Variants in TUT7 observed in about 807,000 individuals in gnomAD.
TUT7 encodes the protein terminal uridylyl transferase 7, also known as terminal uridylyltransferase 7.
In TUT7, 33 loss-of-function variants were observed where a neutral mutation model predicts 165.9. That is an observed-to-expected ratio of 0.20 (90% CI 0.15 to 0.27). TUT7 has a LOEUF of 0.27. Among genes scored for constraint, TUT7 ranks in the 10% least tolerant of loss-of-function variants. TUT7 has a pLI of 1.00. For missense variants in TUT7, 1,338 were observed against 1,762.3 expected (o/e 0.76, Z 4.31); for synonymous variants, 552 against 608.1 (o/e 0.91, Z 1.36).
At chr9:86,296,324 ACTCT>A (rs1826314532) in intron 26 of TUT7, among the ~76,000 whole-genome samples, 1 of 152,128 alleles carries the variant, frequency 6.6e-6, no homozygotes, top group South Asian at 2.1e-4. Flanking sequence ...CAAGTGTCTC[ACTCT>A]AAAACTCATG....
At chr9:86,292,819 G>A (rs1826000119) in intron 26 of TUT7, among the ~76,000 whole-genome samples, 1 of 151,992 alleles carries the variant, frequency 6.6e-6, no homozygotes. Flanking sequence ...TCTCTAGAAG[G>A]TAAGTTAGTT....
intron 26 of TUT7, 126 bp from the exon 27 acceptor site, chr9:86,288,870 G>A (rs967697261): frequency 3.2e-6 from 2 of 633,192 alleles, no homozygotes; most frequent in East Asian, 5.6e-5. Flanking sequence ...CACTTGTTTT[G>A]AATCAAGTAA....
At chr9:86,343,200 A>T (rs1831463631) in intron 5 of TUT7, 37 bp from the exon 6 acceptor site, 1 of 1,281,728 alleles carries the variant, frequency 7.8e-7, no homozygotes, top group South Asian at 1.6e-5. Context: ...TAATAAATAC[A>T]GTAGAATTTC....
chr9:86,337,697 C>T (rs933439896), intron 9 of TUT7, among the ~76,000 whole-genome samples, 159 bp from the exon 10 acceptor site: 48 of 152,306 alleles, frequency 3.2e-4, no homozygotes, highest in Non-Finnish European at 3.1e-4. Flanking sequence ...CTTCCTTATA[C>T]TTTTGCAGCA....
intron 10 of TUT7, among the ~76,000 whole-genome samples, chr9:86,333,806 G>A (rs1252915930): frequency 2.0e-5 from 3 of 149,862 alleles, no homozygotes; most frequent in Non-Finnish European, 4.5e-5. Context: ...ACGATGTACT[G>A]GGTAAACAGG....
Position 86,352,875 on chromosome 9 carries a change from T to C in TUT7, c.325A>G (p.Asn109Asp). 1 of 1,614,212 alleles carries C rather than the reference T, an allele frequency of 6.2e-7. No individual in the cohort carries two copies. Among genetic ancestry groups the C allele is most frequent in the Non-Finnish European group, 8.5e-7 (1 of 1,180,018 alleles). ...TTGAATTCTCTCCAGTTGTCTGAAT[T>C]ACCAGTATGTTCATCAGACAGCCAT... ...KRWLSDEHTG[N>D]SDNWREFKPG... The change falls in exon 2 of 27, where the codon AAT (asparagine) becomes GAT (aspartate). Residue 109 changes from asparagine to aspartate, a missense_variant. Coordinates refer to ENST00000375963, the MANE Select transcript of TUT7 (RefSeq NM_024617.4).
In TUT7 at chr9:86,287,777, C is replaced by T. The variant is rs1446012419; in HGVS notation, c.*900G>A. On this transcript the variant is annotated 3_prime_UTR_variant, in exon 27 of 27. Coordinates refer to ENST00000375963, the MANE Select transcript of TUT7 (RefSeq NM_024617.4). Reference sequence around the variant, plus strand: ...TTTTATTTCAAAATGATAAATAAACCGAGGCATAGTTCTGACCAGGTACTA... The same window carrying T: ...TTTTATTTCAAAATGATAAATAAACTGAGGCATAGTTCTGACCAGGTACTA... 6.6e-6 allele frequency: 1 copy of T among 151,274 alleles called. No homozygotes were observed. Among genetic ancestry groups the T allele is most frequent in the Admixed American group, 6.6e-5 (1 of 15,174 alleles). 9.4% of individuals were successfully genotyped at this position (151,274 alleles called of 1,614,324 possible). A position where few individuals can be genotyped will look rare whatever the true frequency, so the allele number is the denominator to read the frequency against.
chr9:86,289,448 T>C (rs1825749448), intron 26 of TUT7, among the ~76,000 whole-genome samples: 1 of 152,190 alleles, frequency 6.6e-6, no homozygotes, highest in Non-Finnish European at 1.5e-5. Context: ...TAAGTAATTT[T>C]GGAGGGGAAG....
At chr9:86,291,592 A>G (rs2131253217) in intron 26 of TUT7, among the ~76,000 whole-genome samples, 1 of 151,248 alleles carries the variant, frequency 6.6e-6, no homozygotes, top group Admixed American at 6.6e-5. Flanking sequence ...AAAAAAAAAA[A>G]GTAAAAGGGC....
intron 14 of TUT7, among the ~76,000 whole-genome samples, chr9:86,320,262 A>G (rs1203480926): frequency 1.3e-5 from 2 of 151,572 alleles, no homozygotes; most frequent in African/African-American, 4.8e-5. Context: ...TTTCCCAAAA[A>G]AAAAAAAAAA....
intron 21 of TUT7, 123 bp downstream of exon 21, chr9:86,309,089 T>A: frequency 1.6e-6 from 1 of 618,504 alleles, no homozygotes; most frequent in Non-Finnish European, 2.8e-6. Flanking sequence ...AAACACTATT[T>A]TTTTTACTAT....
At chr9:86,307,926 G>A (rs531575547) in intron 22 of TUT7, among the ~76,000 whole-genome samples, 3 of 152,182 alleles carry the variant, frequency 2.0e-5, no homozygotes, top group Non-Finnish European at 4.4e-5. Flanking sequence ...CCCAGGAGGC[G>A]GAGGTTGCAG....
intron 17 of TUT7, among the ~76,000 whole-genome samples, 194 bp downstream of exon 17, chr9:86,317,025 G>T (rs1828789224): frequency 6.6e-6 from 1 of 152,118 alleles, no homozygotes; most frequent in South Asian, 2.1e-4. Flanking sequence ...GATGCATATA[G>T]GTTATATGTA....
intron 2 of TUT7, among the ~76,000 whole-genome samples, chr9:86,349,922 T>C (rs1227225858): frequency 1.3e-5 from 2 of 152,224 alleles, no homozygotes; most frequent in African/African-American, 4.8e-5. Context: ...GCAACTTCTT[T>C]AGTTGCTTTT....
At position 86,304,788 on chromosome 9, in the gene TUT7, T is replaced by A; in HGVS notation, c.3978+68A>T. 3.2e-6 allele frequency: 3 copies of A among 949,974 alleles called. No individual in the cohort carries two copies. The South Asian group carries it at 4.6e-5, about 14-fold the overall frequency. The allele number at this position is 949,974 out of a possible 1,614,324, so 58.8% of individuals were successfully genotyped here. On this transcript the variant is annotated intron_variant, in intron 24 of 26. Transcript: ENST00000375963. ...ACTTTCTAAATATTTAAGTTACTAC[T>A]GAAGTGATGTGTACAAATTAGGCAC...
intron 26 of TUT7, among the ~76,000 whole-genome samples, chr9:86,300,283 A>G (rs1564027091): frequency 6.6e-6 from 1 of 152,190 alleles, no homozygotes; most frequent in African/African-American, 2.4e-5. Context: ...AAGATACACT[A>G]TATTGCTGAA....
Position 86,310,775 on chromosome 9 carries a change from C to T in TUT7, c.3309G>A (p.Lys1103=). ...AATGGAAGAACTTCACAATTGGCACCTTTGCTGTTGTAATAGGTAAGATGT... is the reference window on the plus strand; with the variant it reads ...AATGGAAGAACTTCACAATTGGCACTTTTGCTGTTGTAATAGGTAAGATGT... ...LRNILPITTA[K]VPIVKFFHLR... The change falls in exon 18 of 27, where the codon AAG becomes AAA. Residue 1103 remains lysine, a synonymous_variant. Coordinates refer to ENST00000375963, the MANE Select transcript of TUT7 (RefSeq NM_024617.4). The T allele has an allele frequency of 1.2e-6, 2 of 1,613,102 alleles. No homozygotes were observed. Among genetic ancestry groups the T allele is most frequent in the Non-Finnish European group, 1.7e-6 (2 of 1,179,124 alleles).
At chr9:86,342,812 T>G (rs1214083061) in intron 6 of TUT7, among the ~76,000 whole-genome samples, 1 of 152,148 alleles carries the variant, frequency 6.6e-6, no homozygotes, top group Non-Finnish European at 1.5e-5. Flanking sequence ...TTTACTCTTT[T>G]TAAGTAACAG....
intron 18 of TUT7, among the ~76,000 whole-genome samples, 167 bp from the exon 19 acceptor site, chr9:86,310,184 G>A (rs1003053817): frequency 6.6e-6 from 1 of 151,764 alleles, no homozygotes; most frequent in African/African-American, 2.4e-5. Flanking sequence ...CTCCCAAAGT[G>A]CTGGGATTAC....
Sources: gnomAD v4.1 joint callset for allele counts (sites outside exome capture counted in the v4.1 genomes callset) on GRCh38, gnomAD v4.1.1 for gene constraint, MANE v1.5 for transcripts, NCBI Gene and HGNC (gene_info 2026-07-23, HGNC 2026-07-21) for gene names.